PLD5: variants seen among roughly 807,000 people sequenced by gnomAD.
The protein encoded by PLD5 is inactive phospholipase D5.
A neutral mutation model predicts 61.1 loss-of-function variants in PLD5; 36 were observed. That is an observed-to-expected ratio of 0.59 (90% CI 0.45 to 0.78). PLD5 has a LOEUF of 0.78. PLD5 is among the 30% of genes least tolerant of loss of function. The pLI, the probability that PLD5 is intolerant of heterozygous loss-of-function variation, is 0.00. For synonymous variants in PLD5, 243 were observed against 242.8 expected, an observed-to-expected ratio of 1.00 and a Z score of -0.01; for missense variants, 515 against 644.4, an observed-to-expected ratio of 0.80 and a Z score of 2.17.
At chr1:242,309,656 G>A (rs543429347) in intron 2 of PLD5, among the ~76,000 whole-genome samples, 2 of 134,924 alleles carry the variant, frequency 1.5e-5, no homozygotes, top group South Asian at 5.2e-4. Context: ...TTACAGGCAT[G>A]AGCCACTGCA....
chr1:242,457,710 T>C (rs917894658), intron 1 of PLD5, among the ~76,000 whole-genome samples: 2 of 152,090 alleles, frequency 1.3e-5, no homozygotes, highest in African/African-American at 4.8e-5. Context: ...CAACAGACAA[T>C]CCAGTCAGAC....
chr1:242,449,324 A>T, intron 1 of PLD5: 1 of 1,536,062 alleles, frequency 6.5e-7, no homozygotes, highest in Middle Eastern at 1.7e-4. Flanking sequence ...GTAACACACT[A>T]GGTCTGTAGA....
intron 4 of PLD5, among the ~76,000 whole-genome samples, chr1:242,226,038 C>G (rs918393820): frequency 2.6e-5 from 4 of 152,148 alleles, no homozygotes; most frequent in Non-Finnish European, 5.9e-5. Flanking sequence ...CTTGCCAGAA[C>G]CTGGTACTAC....
At chr1:242,487,087 G>T (rs536332087) in intron 1 of PLD5, among the ~76,000 whole-genome samples, 33 of 152,198 alleles carry the variant, frequency 2.2e-4, no homozygotes, top group African/African-American at 7.7e-4. Context: ...GGGAGGGATA[G>T]CATTAGGAGA....
chr1:242,116,230 C>T (rs1016255321), intron 6 of PLD5, among the ~76,000 whole-genome samples: 1 of 152,106 alleles, frequency 6.6e-6, no homozygotes, highest in Non-Finnish European at 1.5e-5. Context: ...CAGTAGGAGT[C>T]CCCACCCCAG....
At chr1:242,529,778 T>TCTTCCTCCCTCC in the PLD5 span, among the ~76,000 whole-genome samples, 1 of 129,792 alleles carries the variant, frequency 7.7e-6, no homozygotes, top group African/African-American at 3.0e-5. Flanking sequence ...GGCACTGGGA[T>TCTTCCTCCCTCC]CTTCCTTCCT....
chr1:242,098,412 G>T (rs868619819), intron 9 of PLD5, among the ~76,000 whole-genome samples: 3 of 152,170 alleles, frequency 2.0e-5, no homozygotes, highest in African/African-American at 7.2e-5. Flanking sequence ...AGCTCCATCA[G>T]ATCCTTTAAG....
At chr1:242,458,687 G>A (rs1667018165) in intron 1 of PLD5, among the ~76,000 whole-genome samples, 1 of 152,182 alleles carries the variant, frequency 6.6e-6, no homozygotes, top group Admixed American at 6.5e-5. Context: ...TATGTTATTA[G>A]TAGGAAAGAT....
At chr1:242,423,926 A>G (rs2102876415) in intron 1 of PLD5, among the ~76,000 whole-genome samples, 1 of 152,330 alleles carries the variant, frequency 6.6e-6, no homozygotes, top group Non-Finnish European at 1.5e-5. Flanking sequence ...TGTCTGATAC[A>G]ATCTTACTCA....
At chr1:242,426,275 C>A (rs1014959447) in intron 1 of PLD5, among the ~76,000 whole-genome samples, 1 of 147,202 alleles carries the variant, frequency 6.8e-6, no homozygotes, top group Non-Finnish European at 1.5e-5. Flanking sequence ...TTCTGAAATA[C>A]CTCCTGGAGG....
intron 5 of PLD5, among the ~76,000 whole-genome samples, chr1:242,164,679 T>C (rs1666170613): frequency 6.6e-6 from 1 of 152,182 alleles, no homozygotes; most frequent in Non-Finnish European, 1.5e-5. Flanking sequence ...TCCTCCCACG[T>C]CTACATTACC....
At chr1:242,352,779 A>G (rs1571956404) in intron 1 of PLD5, among the ~76,000 whole-genome samples, 2 of 152,278 alleles carry the variant, frequency 1.3e-5, no homozygotes, top group South Asian at 2.1e-4. Flanking sequence ...TTTAATTGGC[A>G]TCTCCCTAAT....
intron 1 of PLD5, among the ~76,000 whole-genome samples, chr1:242,437,607 G>A (rs1185812393): frequency 6.6e-6 from 1 of 152,012 alleles, no homozygotes; most frequent in Admixed American, 6.5e-5. Flanking sequence ...TGAGGTAGGA[G>A]AATCACTTGA....
chr1:242,295,159 G>A (rs1319200464), intron 2 of PLD5, among the ~76,000 whole-genome samples: 3 of 152,058 alleles, frequency 2.0e-5, no homozygotes, highest in Non-Finnish European at 2.9e-5. Flanking sequence ...TATAGATTCA[G>A]GGGTACACAC....
chr1:242,209,637 C>T (rs538044181), intron 5 of PLD5, among the ~76,000 whole-genome samples: 191 of 150,826 alleles, frequency 1.3e-3, no homozygotes, highest in African/African-American at 4.4e-3. Flanking sequence ...TGCATGTGTT[C>T]TGACTGCTCT....
chr1:242,326,698 G>GT (rs371151394), intron 2 of PLD5, among the ~76,000 whole-genome samples: 4 of 151,846 alleles, frequency 2.6e-5, no homozygotes, highest in South Asian at 2.1e-4. Context: ...TTTTATATAA[G>GT]TTTTTTTGTG....
intron 3 of PLD5, among the ~76,000 whole-genome samples, chr1:242,272,755 G>A (rs316911): frequency 0.59 from 88,916 of 151,682 alleles, 26,221 homozygotes; most frequent in East Asian, 0.74. Context: ...GGTGTGGAAG[G>A]GAAATTTATA....
At chr1:242,288,880 A>T (rs1319062211) in intron 2 of PLD5, among the ~76,000 whole-genome samples, 2 of 152,150 alleles carry the variant, frequency 1.3e-5, no homozygotes, top group African/African-American at 2.4e-5. Flanking sequence ...TTTTCCCTGG[A>T]AGCAATTCAA....
chr1:242,497,619 C>T (rs1419340956), intron 1 of PLD5, among the ~76,000 whole-genome samples: 1 of 152,158 alleles, frequency 6.6e-6, no homozygotes, highest in African/African-American at 2.4e-5. Context: ...GTTTTCTAAG[C>T]ATGAAAAAGA....
Sources: gnomAD v4.1 joint callset for allele counts (sites outside exome capture counted in the v4.1 genomes callset) on GRCh38, gnomAD v4.1.1 for gene constraint, MANE v1.5 for transcripts, NCBI Gene and HGNC (gene_info 2026-07-23, HGNC 2026-07-21) for gene names.